NTM: variants seen among roughly 807,000 people sequenced by gnomAD.
NTM encodes IgLON family member 2.
Under a neutral mutation model 42.1 loss-of-function variants are expected in NTM, and 13 were observed. That is an observed-to-expected ratio of 0.31 (90% CI 0.20 to 0.49). The LOEUF is 0.49. Ranked by LOEUF, NTM falls within the 20% of genes least tolerant of loss-of-function variation. NTM has a pLI of 0.99. For missense variants in NTM, 373 were observed against 452.8 expected (o/e 0.82, Z 1.60); for synonymous variants, 187 against 179.2 (o/e 1.04, Z -0.35).
intron 4 of NTM, among the ~76,000 whole-genome samples, chr11:132,272,380 A>G (rs2093523935): frequency 6.6e-6 from 1 of 152,130 alleles, no homozygotes; most frequent in Admixed American, 6.6e-5. Context: ...ATTGCCATAC[A>G]AATTTTATCA....
At chr11:131,876,329 C>T (rs1435831994) in intron 1 of NTM, among the ~76,000 whole-genome samples, 1 of 152,136 alleles carries the variant, frequency 6.6e-6, no homozygotes, top group Non-Finnish European at 1.5e-5. Context: ...GATGAAGATG[C>T]CAGTGATAAA....
At chr11:131,695,644 T>C (rs1049412938) in intron 1 of NTM, among the ~76,000 whole-genome samples, 5 of 152,170 alleles carry the variant, frequency 3.3e-5, no homozygotes, top group African/African-American at 1.2e-4. Context: ...GAATAGAGCA[T>C]GTTTAGGAGC....
chr11:131,734,185 C>T (rs2080108582), intron 1 of NTM, among the ~76,000 whole-genome samples: 1 of 152,118 alleles, frequency 6.6e-6, no homozygotes, highest in South Asian at 2.1e-4. Context: ...ATTCTACCCC[C>T]TCATCCCCCA....
At chr11:131,532,838 TTTTCATGTG>T (rs753211863) in intron 1 of NTM, among the ~76,000 whole-genome samples, 3 of 152,250 alleles carry the variant, frequency 2.0e-5, no homozygotes, top group Non-Finnish European at 4.4e-5. Context: ...CTGAATGTTA[TTTTCATGTG>T]TTTATGGCCT....
intron 1 of NTM, among the ~76,000 whole-genome samples, chr11:131,669,317 C>A (rs1006857629): frequency 7.9e-5 from 12 of 152,180 alleles, no homozygotes; most frequent in African/African-American, 2.7e-4. Flanking sequence ...CAAGCTGAAA[C>A]CCTGGCTCGC....
intron 1 of NTM, among the ~76,000 whole-genome samples, chr11:131,729,281 CGGG>C: frequency 1.3e-5 from 2 of 152,116 alleles, no homozygotes; most frequent in Admixed American, 6.5e-5. Flanking sequence ...TTAGACACAA[CGGG>C]TATTTGAGAA....
intron 2 of NTM, among the ~76,000 whole-genome samples, chr11:132,056,354 T>C (rs1161788383): frequency 6.6e-6 from 1 of 152,224 alleles, no homozygotes; most frequent in Non-Finnish European, 1.5e-5. Flanking sequence ...GCTCCACTTG[T>C]ATACATTGAT....
At chr11:131,470,870 T>C (rs561161742) in intron 1 of NTM, among the ~76,000 whole-genome samples, 1 of 152,330 alleles carries the variant, frequency 6.6e-6, no homozygotes. Flanking sequence ...AAGTGATGCC[T>C]ATGAACACTT....
intron 2 of NTM, among the ~76,000 whole-genome samples, chr11:132,019,048 G>C: frequency 6.6e-6 from 1 of 151,826 alleles, no homozygotes; most frequent in South Asian, 2.1e-4. Context: ...TGAAAACGTA[G>C]AGTCTTTACT....
At chr11:132,113,182 G>A (rs1471641264) in intron 2 of NTM, among the ~76,000 whole-genome samples, 2 of 152,176 alleles carry the variant, frequency 1.3e-5, no homozygotes, top group East Asian at 1.9e-4. Flanking sequence ...CTCTACTTGC[G>A]AGTCTTGTGG....
chr11:131,659,664 T>G (rs947659599), intron 1 of NTM, among the ~76,000 whole-genome samples: 18 of 152,252 alleles, frequency 1.2e-4, no homozygotes, highest in African/African-American at 4.8e-5. Context: ...CATAGATCTT[T>G]ACCTCGAACC....
At chr11:131,419,597 G>A (rs1033487335) in intron 1 of NTM, among the ~76,000 whole-genome samples, 4 of 152,178 alleles carry the variant, frequency 2.6e-5, no homozygotes, top group South Asian at 2.1e-4. Context: ...AGAAGCCATC[G>A]TGGCTGGGCT....
intron 4 of NTM, among the ~76,000 whole-genome samples, chr11:132,299,609 C>T (rs756963918): frequency 6.6e-6 from 1 of 152,140 alleles, no homozygotes; most frequent in Admixed American, 6.5e-5. Flanking sequence ...AGCTCACAAG[C>T]GGCCAGCATG....
intron 2 of NTM, among the ~76,000 whole-genome samples, chr11:132,071,745 A>G (rs187193290): frequency 6.6e-6 from 1 of 152,140 alleles, no homozygotes; most frequent in East Asian, 1.9e-4. Context: ...AGAGAGAAAG[A>G]ACATTTTTTT....
chr11:131,840,764 G>T (rs1037658038), intron 1 of NTM, among the ~76,000 whole-genome samples: 3 of 152,176 alleles, frequency 2.0e-5, no homozygotes, highest in Non-Finnish European at 4.4e-5. Flanking sequence ...TACATTAGAG[G>T]GTGTGGGATC....
At chr11:131,979,196 A>G (rs1198530868) in intron 2 of NTM, among the ~76,000 whole-genome samples, 6 of 152,346 alleles carry the variant, frequency 3.9e-5, no homozygotes, top group African/African-American at 1.4e-4. Context: ...ACTGAAACAC[A>G]GAAAGTCAAG....
intron 2 of NTM, among the ~76,000 whole-genome samples, chr11:131,965,305 A>G (rs1565839338): frequency 6.6e-6 from 1 of 152,064 alleles, no homozygotes; most frequent in Admixed American, 6.6e-5. Context: ...TGTACAGTGG[A>G]GGGAGGTCAC....
At chr11:132,314,108 A>G (rs1470591203) in intron 6 of NTM, among the ~76,000 whole-genome samples, 1 of 149,674 alleles carries the variant, frequency 6.7e-6, no homozygotes. Flanking sequence ...TTTTTCTTTC[A>G]AATTCCTCAG....
At chr11:132,227,266 G>A (rs1434872078) in intron 4 of NTM, among the ~76,000 whole-genome samples, 1 of 152,214 alleles carries the variant, frequency 6.6e-6, no homozygotes, top group Non-Finnish European at 1.5e-5. Flanking sequence ...CACAAGTGTT[G>A]CTTAGAAGTC....
Sources: gnomAD v4.1 joint callset for allele counts (sites outside exome capture counted in the v4.1 genomes callset) on GRCh38, gnomAD v4.1.1 for gene constraint, MANE v1.5 for transcripts, NCBI Gene and HGNC (gene_info 2026-07-23, HGNC 2026-07-21) for gene names.